Variants in FHOD3 observed in about 807,000 individuals in gnomAD.
FHOD3 encodes formin homology 2 domain containing 3.
FHOD3 carries 90 observed loss-of-function variants against 173.0 expected under a neutral mutation model. The observed-to-expected ratio is 0.52, with a 90% confidence interval of 0.44 to 0.62. The LOEUF is 0.62. Ranked by LOEUF, FHOD3 falls within the 20% of genes least tolerant of loss-of-function variation. The probability of loss-of-function intolerance (pLI) is 0.00; values close to 1 mark genes in which losing one functional copy is unlikely to be tolerated. For missense variants in FHOD3, 1,945 were observed against 2,034.7 expected (o/e 0.96, Z 0.85); for synonymous variants, 828 against 823.0 (o/e 1.01, Z -0.10).
chr18:36,621,519 A>G (rs1198914661), intron 9 of FHOD3, among the ~76,000 whole-genome samples: 1 of 152,174 alleles, frequency 6.6e-6, no homozygotes, highest in Non-Finnish European at 1.5e-5. Flanking sequence ...TTGGCCTGGC[A>G]TTTGGTACTG....
intron 1 of FHOD3, among the ~76,000 whole-genome samples, chr18:36,330,528 G>C (rs1293284581): frequency 2.0e-5 from 3 of 152,142 alleles, no homozygotes; most frequent in Non-Finnish European, 4.4e-5. Context: ...CTGGGGATGG[G>C]CTTTGCCGGA....
intron 25 of FHOD3, among the ~76,000 whole-genome samples, chr18:36,757,099 T>A (rs2042662966): frequency 6.6e-6 from 1 of 152,250 alleles, no homozygotes; most frequent in South Asian, 2.1e-4. Flanking sequence ...ATTCTTGAGA[T>A]TTTTTACAGA....
chr18:36,745,507 T>A (rs904082257), intron 23 of FHOD3, among the ~76,000 whole-genome samples: 3 of 152,146 alleles, frequency 2.0e-5, no homozygotes. Context: ...ATCCTGTTGG[T>A]GCCACAGATC....
chr18:36,415,914 A>G (rs2049617801), intron 3 of FHOD3, among the ~76,000 whole-genome samples: 2 of 152,242 alleles, frequency 1.3e-5, no homozygotes, highest in South Asian at 4.1e-4. Flanking sequence ...TTGGTGACCT[A>G]ACCAGATGAC....
chr18:36,439,309 A>T (rs2143648488), intron 3 of FHOD3, among the ~76,000 whole-genome samples: 1 of 152,318 alleles, frequency 6.6e-6, no homozygotes, highest in African/African-American at 2.4e-5. Flanking sequence ...CAGCTGTATT[A>T]CTTGCCAACC....
At chr18:36,645,417 G>A (rs2035612332) in intron 10 of FHOD3, among the ~76,000 whole-genome samples, 1 of 152,064 alleles carries the variant, frequency 6.6e-6, no homozygotes, top group African/African-American at 2.4e-5. Flanking sequence ...GACAGAGTGA[G>A]ACTCTGTCTC....
At chr18:36,691,550 C>G (rs2038963066) in intron 16 of FHOD3, among the ~76,000 whole-genome samples, 1 of 151,518 alleles carries the variant, frequency 6.6e-6, no homozygotes, top group Non-Finnish European at 1.5e-5. Context: ...GTGGCTTTTT[C>G]TTGCTGGCCC....
At chr18:36,405,890 A>G (rs577849588) in intron 3 of FHOD3, among the ~76,000 whole-genome samples, 2 of 152,144 alleles carry the variant, frequency 1.3e-5, no homozygotes, top group South Asian at 2.1e-4. Context: ...CTCTGTTTCT[A>G]TTTAAAACAT....
intron 15 of FHOD3, among the ~76,000 whole-genome samples, chr18:36,682,294 C>G (rs1247745857): frequency 6.6e-6 from 1 of 152,154 alleles, no homozygotes; most frequent in Non-Finnish European, 1.5e-5. Context: ...GTTGCTGTAT[C>G]TCTCCTTACA....
chr18:36,712,779 A>G (rs991024397), intron 18 of FHOD3, among the ~76,000 whole-genome samples: 1 of 152,116 alleles, frequency 6.6e-6, no homozygotes, highest in African/African-American at 2.4e-5. Flanking sequence ...GCAAACCCCA[A>G]ACAAGACAAA....
chr18:36,724,037 G>T (rs2149833001), intron 19 of FHOD3, among the ~76,000 whole-genome samples: 1 of 152,272 alleles, frequency 6.6e-6, no homozygotes, highest in African/African-American at 2.4e-5. Context: ...CTTGCATGAT[G>T]GTCACTCTTT....
At chr18:36,688,219 C>A (rs1260580617) in intron 16 of FHOD3, among the ~76,000 whole-genome samples, 2 of 152,238 alleles carry the variant, frequency 1.3e-5, no homozygotes, top group East Asian at 3.8e-4. Flanking sequence ...CCTCTACCAC[C>A]AGGTGGGGTG....
intron 27 of FHOD3, among the ~76,000 whole-genome samples, chr18:36,765,046 C>G (rs1191425716): frequency 6.6e-6 from 1 of 152,046 alleles, no homozygotes; most frequent in Non-Finnish European, 1.5e-5. Context: ...TGAACTGGTA[C>G]AAGAGATTGA....
chr18:36,558,058 A>T (rs960062605), intron 5 of FHOD3, among the ~76,000 whole-genome samples: 4 of 152,126 alleles, frequency 2.6e-5, no homozygotes, highest in African/African-American at 9.7e-5. Context: ...TTTCTTTCCA[A>T]TCCTTTTGGA....
rs1023382824 is a variant in FHOD3, at chr18:36,421,536, C to T, written c.337+48792C>T. Among the ~76,000 whole-genome samples the T allele has an allele frequency of 2.0e-5, 3 of 152,226 alleles. No individual in the cohort carries two copies. The South Asian group carries it at 6.2e-4, about 32-fold the overall frequency. On this transcript the variant is annotated intron_variant, in intron 3 of 28. Coordinates refer to ENST00000590592, the MANE Select transcript of FHOD3 (RefSeq NM_001281740.3). ...GGCTTCCATTTTAGAATGAAAAAGA[C>T]GATAGTGATTGGCTTAACTTTTTTT... is the stretch of plus-strand genomic sequence containing the variant.
chr18:36,749,622 A>C (rs1443610899), intron 24 of FHOD3, among the ~76,000 whole-genome samples: 1 of 152,214 alleles, frequency 6.6e-6, no homozygotes, highest in Non-Finnish European at 1.5e-5. Flanking sequence ...TGTTGTGATT[A>C]GTGCTACAAT....
At chr18:36,681,390 T>G (rs1333476601) in intron 14 of FHOD3, 46 bp from the exon 15 acceptor site, 1 of 1,610,082 alleles carries the variant, frequency 6.2e-7, no homozygotes, top group Non-Finnish European at 8.5e-7. Context: ...TCAGTACTTT[T>G]AATCACAGGC....
intron 1 of FHOD3, among the ~76,000 whole-genome samples, chr18:36,335,313 G>A (rs539197125): frequency 3.2e-4 from 48 of 151,966 alleles, no homozygotes; most frequent in African/African-American, 1.1e-3. Context: ...GGCTAACAAG[G>A]TGAAACCCCG....
chr18:36,349,671 C>T (rs1442102799), intron 1 of FHOD3, among the ~76,000 whole-genome samples: 1 of 152,212 alleles, frequency 6.6e-6, no homozygotes, highest in Non-Finnish European at 1.5e-5. Context: ...ACCCCAGTAA[C>T]ATGCTAGTTC....
Sources: allele counts gnomAD v4.1 joint callset (sites outside exome capture counted in the v4.1 genomes callset), GRCh38; gene constraint gnomAD v4.1.1; transcripts MANE v1.5; gene names NCBI Gene and HGNC (gene_info 2026-07-23, HGNC 2026-07-21).